Variants in IL12RB2 observed in about 807,000 individuals in gnomAD.
IL12RB2 encodes interleukin 12 receptor subunit beta 2.
A neutral mutation model predicts 89.4 loss-of-function variants in IL12RB2; 82 were observed. The observed-to-expected ratio is 0.92, with a 90% CI of 0.77 to 1.10. The LOEUF (loss-of-function observed/expected upper bound fraction) is 1.10. Among genes scored for constraint, IL12RB2 ranks in the 50% least tolerant of loss-of-function variants. The pLI, the probability that IL12RB2 is intolerant of heterozygous loss-of-function variation, is 0.00. For missense variants in IL12RB2, 963 were observed against 1,031.9 expected, an observed-to-expected ratio of 0.93 and a Z score of 0.92; for synonymous variants, 368 against 370.1, an observed-to-expected ratio of 0.99 and a Z score of 0.07.
In IL12RB2 at chr1:67,362,305, G is replaced by A. The variant is rs574681020; in HGVS notation, c.1259-5520G>A. On this transcript the variant is annotated intron_variant, in intron 10 of 16. Coordinates refer to ENST00000674203, the MANE Select transcript of IL12RB2 (RefSeq NM_001374259.2). ...AAAGAGGCCGGGCGCGGTGGCTCAC[G>A]CCTGTAATCCCAGCACTTTGGGAGG... Among the ~76,000 whole-genome samples, 42 of 151,638 alleles carry A rather than the reference G, an allele frequency of 2.8e-4. 1 individual carries two copies. The South Asian group carries it at 6.9e-3, about 25-fold the overall frequency.
At chr1:67,346,405 TCGACAGG>T (rs1660243846) in intron 9 of IL12RB2, among the ~76,000 whole-genome samples, 7 of 127,938 alleles carry the variant, frequency 5.5e-5, no homozygotes, top group Admixed American at 8.1e-5. Context: ...TTTTTTTTTT[TCGACAGG>T]TTCTCACTCT....
intron 14 of IL12RB2, among the ~76,000 whole-genome samples, chr1:67,381,753 G>A (rs1363359935): frequency 7.2e-6 from 1 of 138,450 alleles, no homozygotes; most frequent in African/African-American, 2.7e-5. Context: ...GCGACAGAGT[G>A]AGACTATGTT....
chr1:67,394,049 G>C (rs1040989966), intron 16 of IL12RB2, among the ~76,000 whole-genome samples: 1 of 152,188 alleles, frequency 6.6e-6, no homozygotes, highest in East Asian at 1.9e-4. Context: ...GAGAAGGCAC[G>C]AAGCAGGGGA....
intron 1 of IL12RB2, among the ~76,000 whole-genome samples, chr1:67,308,723 TTGTCTAAGAACAGGGTCC>T (rs2100473975): frequency 6.6e-6 from 1 of 152,274 alleles, no homozygotes; most frequent in South Asian, 2.1e-4. Context: ...CAAATAGACC[TTGTCTAAGAACAGGGTCC>T]CGGCACGGTG....
intron 1 of IL12RB2, among the ~76,000 whole-genome samples, chr1:67,311,249 G>T (rs1032299605): frequency 6.6e-6 from 1 of 152,210 alleles, no homozygotes; most frequent in African/African-American, 2.4e-5. Flanking sequence ...GGAGGTAGTA[G>T]CTTTGTGGGT....
intron 10 of IL12RB2, among the ~76,000 whole-genome samples, chr1:67,354,568 G>T (rs1315711757): frequency 6.6e-6 from 1 of 152,130 alleles, no homozygotes; most frequent in Non-Finnish European, 1.5e-5. Flanking sequence ...GTCGTTAAGA[G>T]GGTCTTAGAA....
intron 13 of IL12RB2, among the ~76,000 whole-genome samples, chr1:67,378,703 A>G (rs181288062): frequency 6.6e-6 from 1 of 151,892 alleles, no homozygotes; most frequent in Admixed American, 6.6e-5. Flanking sequence ...TACAAAACTT[A>G]GCCAAGCATG....
In IL12RB2 at chr1:67,329,725, A is replaced by G; in HGVS notation, c.803A>G (p.Asn268Ser). The G allele has an allele frequency of 1.9e-6, 3 of 1,604,062 alleles. No homozygotes were observed. In the African/African-American group the frequency reaches 4.0e-5, roughly 21 times the overall value. ...CGGCCCAGTAACAGCAGGCTCTGGA[A>G]TATGGTAATTATCTTTAGAGTGAAG... Reference protein sequence around the residue: ...RYRPSNSRLWNMVNVTKAKGR... With the variant: ...RYRPSNSRLWSMVNVTKAKGR... Residue 268 changes from asparagine (N) to serine (S), a missense_variant, in exon 7 of 17, where the codon AAT (asparagine) becomes AGT (serine). Transcript: ENST00000674203.
chr1:67,378,415 G>A (rs1166048564), intron 13 of IL12RB2, among the ~76,000 whole-genome samples: 1 of 138,148 alleles, frequency 7.2e-6, no homozygotes, highest in Non-Finnish European at 1.6e-5. Context: ...ATAAGGAACT[G>A]GTAATCTAGG....
At chr1:67,349,291 G>A (rs935906018) in intron 9 of IL12RB2, among the ~76,000 whole-genome samples, 3 of 152,162 alleles carry the variant, frequency 2.0e-5, no homozygotes, top group African/African-American at 7.2e-5. Context: ...TAACTCTTGG[G>A]AAGTACCTTA....
In IL12RB2 at chr1:67,372,644, C is replaced by T; in HGVS notation, c.1578C>T (p.His526=). 1 of 1,613,684 alleles carries T rather than the reference C, an allele frequency of 6.2e-7. No homozygotes were observed. The highest frequency in any genetic ancestry group is 8.5e-7 in the Non-Finnish European group (1 of 1,179,582). Residue 526 remains histidine, a synonymous_variant, in exon 13 of 17, where the codon CAC becomes CAT. Transcript: ENST00000674203. ...SKHKAPLSGP[H]INAITEEKGS... ...TTACAGCACCACTGAGTGGCCCCCA[C>T]ATTAATGCCATCACAGAGGAAAAGG...
chr1:67,356,893 A>G (rs528217712), intron 10 of IL12RB2, among the ~76,000 whole-genome samples: 56 of 152,372 alleles, frequency 3.7e-4, no homozygotes, highest in Admixed American at 6.5e-4. Flanking sequence ...TGCAACAGAT[A>G]GTACAAAAGA....
intron 10 of IL12RB2, among the ~76,000 whole-genome samples, chr1:67,367,174 C>T (rs1249270594): frequency 6.6e-6 from 1 of 151,984 alleles, no homozygotes; most frequent in Non-Finnish European, 1.5e-5. Context: ...AGGAGGGTCA[C>T]TTGAGCCCAG....
intron 10 of IL12RB2, among the ~76,000 whole-genome samples, chr1:67,362,203 A>C (rs1662133076): frequency 6.6e-6 from 1 of 151,748 alleles, no homozygotes; most frequent in Non-Finnish European, 1.5e-5. Flanking sequence ...CCTGGGAGGC[A>C]GAGGTTGCAG....
chr1:67,385,075 T>A (rs1664996581), intron 14 of IL12RB2, among the ~76,000 whole-genome samples: 1 of 152,246 alleles, frequency 6.6e-6, no homozygotes, highest in South Asian at 2.1e-4. Flanking sequence ...TTCTCAGGTA[T>A]CTTTACAGCA....
At chr1:67,327,401 T>C (rs1411528937) in intron 5 of IL12RB2, among the ~76,000 whole-genome samples, 1 of 152,230 alleles carries the variant, frequency 6.6e-6, no homozygotes, top group Non-Finnish European at 1.5e-5. Flanking sequence ...GTCTGAGTTC[T>C]AACTCAGAGT....
At position 67,339,412 on chromosome 1, in the gene IL12RB2, G is replaced by A. The variant is rs1185659146; in HGVS notation, c.1038+709G>A. On this transcript the variant is annotated intron_variant, in intron 9 of 16. Transcript: ENST00000674203. Reference sequence around the variant, plus strand: ...TGAGGCACGAGAATCACTTGAACCCGGGAGGCAGGGGTTGCAGTGAGCCAA... The same window carrying A: ...TGAGGCACGAGAATCACTTGAACCCAGGAGGCAGGGGTTGCAGTGAGCCAA... 9.2e-5 allele frequency among the ~76,000 whole-genome samples: 14 copies of A among 151,908 alleles called. No individual in the cohort carries two copies. In the East Asian group the frequency reaches 1.2e-3, roughly 13 times the overall value.
rs890229904 is a variant in IL12RB2 at position 67,310,184 on chromosome 1, CAAA to C, written c.-125+2240_-125+2242del. Among the ~76,000 whole-genome samples the C allele has an allele frequency of 1.0e-2, 366 of 36,734 alleles. 1 individual carries two copies. Among genetic ancestry groups the C allele is most frequent in the African/African-American group, 0.027 (341 of 12,552 alleles). The allele number at this position is 36,734 out of a possible 152,430, so 24.1% of individuals were successfully genotyped here. A position where few individuals can be genotyped will look rare whatever the true frequency, so the allele number is the denominator to read the frequency against. On this transcript the variant is annotated intron_variant, in intron 1 of 16. Transcript: ENST00000674203. ...GGGCGACAAGAATGAAACTTCATCT[CAAA>C]AAAAAAAAAAAAAAAAAAAAAAGCC...
chr1:67,370,853 A>T (rs996229257), intron 11 of IL12RB2, among the ~76,000 whole-genome samples: 2 of 152,236 alleles, frequency 1.3e-5, no homozygotes, highest in Admixed American at 1.3e-4. Flanking sequence ...GAATTACAGA[A>T]CCACATTGTC....
Sources: allele counts gnomAD v4.1 joint callset (sites outside exome capture counted in the v4.1 genomes callset), GRCh38; gene constraint gnomAD v4.1.1; transcripts MANE v1.5; gene names NCBI Gene and HGNC (gene_info 2026-07-23, HGNC 2026-07-21).